PRSS38: variants seen among roughly 807,000 people sequenced by gnomAD.
The protein encoded by PRSS38 is marapsin 2.
PRSS38 carries 22 observed loss-of-function variants against 26.8 expected under a neutral mutation model. That is an observed-to-expected ratio of 0.82 (90% CI 0.59 to 1.17). The LOEUF (loss-of-function observed/expected upper bound fraction) is 1.17. Ranked by LOEUF, PRSS38 falls within the 50% of genes most tolerant of loss-of-function variation. The pLI, the probability that PRSS38 is intolerant of heterozygous loss-of-function variation, is 0.00. For missense variants in PRSS38, 427 were observed against 422.7 expected (o/e 1.01, Z -0.09); for synonymous variants, 175 against 172.1 (o/e 1.02, Z -0.13).
Position 227,827,540 on chromosome 1 carries a change from CTT to C in PRSS38, c.583+10061_583+10062del, listed in dbSNP as rs1034813025. On this transcript the variant is annotated intron_variant, in intron 3 of 4. Coordinates refer to ENST00000366757, the Ensembl canonical transcript of PRSS38. ...CTGTGGGGTCAGTGGCAATATCCCTCTTATCATTTCTGATTGTGTTTATTTGA... is the reference window on the plus strand; with the variant it reads ...CTGTGGGGTCAGTGGCAATATCCCTCATCATTTCTGATTGTGTTTATTTGA... 6.5e-4 allele frequency among the ~76,000 whole-genome samples: 98 copies of C among 151,504 alleles called. 1 individual carries two copies. The highest frequency in any genetic ancestry group is 1.3e-3 in the Admixed American group (20 of 15,212).
At chr1:227,827,577 CTT>C (rs1665093371) in intron 3 of PRSS38, among the ~76,000 whole-genome samples, 1 of 150,274 alleles carries the variant, frequency 6.7e-6, no homozygotes, top group Admixed American at 6.6e-5. Context: ...ATTCTTCTCT[CTT>C]TTCTTCTTTA....
chr1:227,833,411 C>T (rs1665185462), intron 3 of PRSS38, among the ~76,000 whole-genome samples: 1 of 152,014 alleles, frequency 6.6e-6, no homozygotes, highest in South Asian at 2.1e-4. Flanking sequence ...CCTGTAATCC[C>T]AGCTACTTGG....
exon 1 of PRSS38, chr1:227,815,741 G>A (rs747234531): frequency 1.9e-5 from 30 of 1,601,776 alleles, no homozygotes; most frequent in Middle Eastern, 1.7e-4. Context: ...TTCCGTCATG[G>A]GCCCACTCGG....
chr1:227,843,807 G>A (rs1052625070), intron 3 of PRSS38, among the ~76,000 whole-genome samples: 7 of 152,040 alleles, frequency 4.6e-5, no homozygotes, highest in Non-Finnish European at 2.9e-5. Context: ...ATCACCTGAG[G>A]TCAGGAGTTC....
chr1:227,842,811 A>G (rs1421240752), intron 3 of PRSS38, among the ~76,000 whole-genome samples: 2 of 152,098 alleles, frequency 1.3e-5, no homozygotes, highest in Non-Finnish European at 2.9e-5. Context: ...TCCCAGCCTC[A>G]GGTGATCCAC....
chr1:227,823,987 A>C (rs1665036123), intron 3 of PRSS38, among the ~76,000 whole-genome samples: 2 of 152,194 alleles, frequency 1.3e-5, no homozygotes, highest in Non-Finnish European at 1.5e-5. Flanking sequence ...GGACTGCTGG[A>C]TTGAATGGTA....
chr1:227,822,738 G>T (rs958235669), intron 3 of PRSS38, among the ~76,000 whole-genome samples: 10 of 152,124 alleles, frequency 6.6e-5, no homozygotes, highest in Non-Finnish European at 1.5e-4. Context: ...TTGCAGGTTG[G>T]TCTGTGCCAA....
chr1:227,845,160 G>A (rs1665406151), intron 3 of PRSS38, among the ~76,000 whole-genome samples: 1 of 139,260 alleles, frequency 7.2e-6, no homozygotes, highest in African/African-American at 2.8e-5. Flanking sequence ...CTCCCTGTGT[G>A]TGGTGAGGCT....
At chr1:227,819,629 G>A (rs1172726089) in intron 3 of PRSS38, among the ~76,000 whole-genome samples, 1 of 152,094 alleles carries the variant, frequency 6.6e-6, no homozygotes, top group Non-Finnish European at 1.5e-5. Context: ...CCATTTATTT[G>A]AGTCTTTAAT....
chr1:227,831,508 T>C (rs1318358296), intron 3 of PRSS38, among the ~76,000 whole-genome samples: 1 of 152,162 alleles, frequency 6.6e-6, no homozygotes, highest in Non-Finnish European at 1.5e-5. Flanking sequence ...TGGAAATTTT[T>C]ATAAGTCACA....
Position 227,846,183 on chromosome 1 carries a change from TGCTG to T in PRSS38, c.966_969del (p.Trp323GlnfsTer36). On this transcript the variant is annotated frameshift_variant, in exon 5 of 5. Transcript: ENST00000366757. LOFTEE classifies it low-confidence loss of function (END_TRUNC). Reference sequence around the variant, plus strand: ...CCCACTCTCAGCGTCCTAATGGCCATGCTGGCTGGCTGGTCAGTGCTGTGAGGTC... The same window carrying T: ...CCCACTCTCAGCGTCCTAATGGCCATGCTGGCTGGTCAGTGCTGTGAGGTC... The T allele has an allele frequency of 6.2e-7, 1 of 1,611,958 alleles. No homozygotes were observed. Among genetic ancestry groups the T allele is most frequent in the East Asian group, 2.2e-5 (1 of 44,878 alleles).
At chr1:227,837,866 C>T (rs757226680) in intron 3 of PRSS38, among the ~76,000 whole-genome samples, 27 of 152,120 alleles carry the variant, frequency 1.8e-4, no homozygotes, top group Non-Finnish European at 3.1e-4. Context: ...TGTACTTCAA[C>T]GTGTATTGCA....
chr1:227,845,919 T>G, intron 4 of PRSS38, 35 bp from the exon 5 acceptor site: 1 of 1,610,468 alleles, frequency 6.2e-7, no homozygotes, highest in South Asian at 1.1e-5. Flanking sequence ...GGCCTGGGAC[T>G]CCCAGTTCAC....
chr1:227,816,283 G>A lies in PRSS38; in HGVS notation c.311+31G>A. ...CGGGCGCCGGCCTGGGATGGTGTGG[G>A]TAGCTGGGCCTGCACGGAGTGCCCA... On this transcript the variant is annotated intron_variant, in intron 2 of 4. Transcript: ENST00000366757. This position sits in a 1 kb window ranked among gnomAD's most constrained non-coding sequence, Gnocchi z 5.1. The A allele has an allele frequency of 6.3e-7, 1 of 1,597,142 alleles. No homozygotes were observed. The highest frequency in any genetic ancestry group is 1.3e-5 in the African/African-American group (1 of 74,716).
intron 3 of PRSS38, among the ~76,000 whole-genome samples, chr1:227,832,483 A>G (rs1159534769): frequency 6.6e-6 from 1 of 152,186 alleles, no homozygotes; most frequent in Non-Finnish European, 1.5e-5. Context: ...TTTTCTAAAC[A>G]GTGGTTGTAG....
chr1:227,827,863 T>A (rs1044374141), intron 3 of PRSS38, among the ~76,000 whole-genome samples: 2 of 152,232 alleles, frequency 1.3e-5, no homozygotes, highest in African/African-American at 4.8e-5. Flanking sequence ...CTGCTTTAGC[T>A]GTATCCCAGA....
intron 4 of PRSS38, 70 bp from the exon 5 acceptor site, chr1:227,845,884 T>C (rs1665422731): frequency 2.5e-6 from 4 of 1,578,668 alleles, no homozygotes; most frequent in Middle Eastern, 1.8e-4. Context: ...CCTTGCACCC[T>C]GGGGGACAGG....
intron 3 of PRSS38, among the ~76,000 whole-genome samples, chr1:227,830,497 TCTA>T (rs1217391053): frequency 2.7e-5 from 4 of 149,326 alleles, no homozygotes; most frequent in Admixed American, 6.7e-5. Flanking sequence ...GTTTAAGGTG[TCTA>T]CTTTTTTTTT....
At chr1:227,817,327 T>G in exon 3 of PRSS38, 1 of 1,614,204 alleles carries the variant, frequency 6.2e-7, no homozygotes, top group Non-Finnish European at 8.5e-7. Flanking sequence ...ATATGAGATG[T>G]ACCACCCCAT....
Sources: allele counts gnomAD v4.1 joint callset (sites outside exome capture counted in the v4.1 genomes callset), GRCh38; gene constraint gnomAD v4.1.1; non-coding constraint Gnocchi (gnomAD v3.1); transcripts MANE v1.5; gene names NCBI Gene and HGNC (gene_info 2026-07-23, HGNC 2026-07-21).